Variants in DMD observed in about 807,000 individuals in gnomAD.
DMD encodes dystrophin.
Under a neutral mutation model 330.1 loss-of-function variants are expected in DMD, and 63 were observed. That is an observed-to-expected ratio of 0.19 (90% CI 0.16 to 0.24). The LOEUF (loss-of-function observed/expected upper bound fraction) is 0.24, where lower values mean the gene tolerates loss of function less well. Among genes scored for constraint, DMD ranks in the 10% least tolerant of loss-of-function variants. The probability of loss-of-function intolerance (pLI) is 1.00; values close to 1 mark genes in which losing one functional copy is unlikely to be tolerated. For synonymous variants in DMD, 1,223 were observed against 959.8 expected, an observed-to-expected ratio of 1.27 and a Z score of -5.07; for missense variants, 3,344 against 2,684.1, an observed-to-expected ratio of 1.25 and a Z score of -5.43.
chrX:32,478,468 C>G (rs1027290025), intron 21 of DMD, among the ~76,000 whole-genome samples: 2 of 111,572 alleles, frequency 1.8e-5, no homozygotes, highest in Non-Finnish European at 3.8e-5. Flanking sequence ...AAGCATTTCT[C>G]TAAAATGTGA....
intron 7 of DMD, among the ~76,000 whole-genome samples, chrX:32,802,157 C>G (rs144236156): frequency 1.7e-3 from 192 of 111,377 alleles, no homozygotes; most frequent in African/African-American, 6.0e-3. Flanking sequence ...AATGTTTTTT[C>G]ATTTGTTTGC....
intron 2 of DMD, among the ~76,000 whole-genome samples, chrX:32,913,196 T>G (rs780970026): frequency 9.0e-6 from 1 of 111,697 alleles, no homozygotes; most frequent in South Asian, 3.8e-4. Context: ...ACATTTTTCT[T>G]GAAGCTTCTA....
chrX:33,269,211 G>T (rs1386226108), intron 1 of DMD, among the ~76,000 whole-genome samples: 1 of 111,562 alleles, frequency 9.0e-6, no homozygotes, highest in Admixed American at 9.5e-5. Flanking sequence ...TGGTTGACTG[G>T]ATAAAGAAAA....
At chrX:32,950,506 A>G (rs183994651) in intron 2 of DMD, among the ~76,000 whole-genome samples, 2 of 110,800 alleles carry the variant, frequency 1.8e-5, no homozygotes, top group African/African-American at 6.6e-5. Flanking sequence ...CCACGGCCAT[A>G]TATTGTGTGA....
chrX:32,329,865 T>A (rs1261454679), intron 41 of DMD, among the ~76,000 whole-genome samples: 1 of 112,645 alleles, frequency 8.9e-6, no homozygotes, highest in Non-Finnish European at 1.9e-5. Context: ...TAACAATGCC[T>A]CCAAATTATC....
chrX:31,833,356 G>A lies in DMD; in HGVS notation c.7200+3362C>T, dbSNP rs867019283. Among the ~76,000 whole-genome samples the A allele has an allele frequency of 1.2e-3, 60 of 48,557 alleles. 3 individuals are homozygous for A. The highest frequency in any genetic ancestry group is 4.5e-3 in the African/African-American group (47 of 10,501). 42.2% of individuals were successfully genotyped at this position (48,557 alleles called of 115,157 possible). A position where few individuals can be genotyped will look rare whatever the true frequency, so the allele number is the denominator to read the frequency against. The stretch of plus-strand genomic sequence containing the variant: ...AGGGAGAGAGTGGAGAGGGAGGGAG[G>A]GAAAGAGAGAGAGAGAGAGAGAGAG... On this transcript the variant is annotated intron_variant, in intron 49 of 78. Coordinates refer to ENST00000357033, the MANE Select transcript of DMD (RefSeq NM_004006.3).
At chrX:32,411,645 C>T in intron 30 of DMD, 107 bp downstream of exon 30, 5 of 951,807 alleles carry the variant, frequency 5.3e-6, no homozygotes, top group Non-Finnish European at 7.4e-6. Context: ...TGAATCAAAA[C>T]AACCCCATGG....
intron 17 of DMD, among the ~76,000 whole-genome samples, chrX:32,529,378 ACTT>A (rs2047254264): frequency 2.7e-5 from 2 of 73,060 alleles, no homozygotes; most frequent in Admixed American, 2.0e-4. Context: ...GCAAAAATCA[ACTT>A]TTTTTTTTTT....
chrX:31,410,276 A>G (rs1037109623), intron 60 of DMD, among the ~76,000 whole-genome samples: 8 of 112,214 alleles, frequency 7.1e-5, no homozygotes, highest in African/African-American at 2.6e-4. Context: ...TGCACATATC[A>G]CCCTTTTATT....
chrX:32,530,110 G>A (rs754031209), intron 17 of DMD, among the ~76,000 whole-genome samples: 1 of 112,040 alleles, frequency 8.9e-6, no homozygotes, highest in South Asian at 3.7e-4. Flanking sequence ...TGCCTCAAAA[G>A]CTGAATTCTA....
intron 51 of DMD, among the ~76,000 whole-genome samples, chrX:31,740,402 T>C (rs2087232477): frequency 8.9e-6 from 1 of 111,948 alleles, no homozygotes; most frequent in South Asian, 3.7e-4. Context: ...ATAAGTGATA[T>C]AATTTTTTCT....
chrX:32,105,100 G>C (rs1483905507), intron 44 of DMD, among the ~76,000 whole-genome samples: 1 of 111,940 alleles, frequency 8.9e-6, no homozygotes. Flanking sequence ...TACGCATCAT[G>C]AAGAGTCTAG....
At position 31,872,014 on chromosome X, in the gene DMD, A is replaced by C. The variant is rs189747175; in HGVS notation, c.7098+3174T>G. On this transcript the variant is annotated intron_variant, in intron 48 of 78. Transcript: ENST00000357033. ...TTATTCACACAGGTCACCATTTCCT[A>C]ATTATAAGCTGGGGGTTTGAGAATT... Among the ~76,000 whole-genome samples the C allele has an allele frequency of 2.8e-5, 3 of 108,659 alleles. No individual in the cohort carries two copies. The Admixed American group carries it at 3.0e-4, about 11-fold the overall frequency. The allele number at this position is 108,659 out of a possible 115,157, so 94.4% of individuals were successfully genotyped here. A position where few individuals can be genotyped will look rare whatever the true frequency, so the allele number is the denominator to read the frequency against.
At chrX:31,509,364 A>G (rs1244965893) in intron 55 of DMD, among the ~76,000 whole-genome samples, 1 of 112,039 alleles carries the variant, frequency 8.9e-6, no homozygotes, top group Non-Finnish European at 1.9e-5. Flanking sequence ...AGCCAACCAG[A>G]TCTAAGTTCC....
intron 52 of DMD, among the ~76,000 whole-genome samples, chrX:31,710,931 T>C (rs6631369): frequency 0.16 from 17,587 of 110,462 alleles, 1,243 homozygotes; most frequent in Admixed American, 0.32. Context: ...AGAAAGAGTA[T>C]ATTAAGATAT....
intron 44 of DMD, among the ~76,000 whole-genome samples, chrX:32,080,377 T>C (rs777215725): frequency 1.8e-5 from 2 of 112,166 alleles, no homozygotes; most frequent in East Asian, 5.6e-4. Flanking sequence ...TAGCCTAATA[T>C]ATGGCTTATA....
At chrX:32,462,607 T>TG (rs2098387441) in intron 25 of DMD, among the ~76,000 whole-genome samples, 1 of 92,051 alleles carries the variant, frequency 1.1e-5, no homozygotes, top group Non-Finnish European at 1.9e-5. Flanking sequence ...TTTGTGTGTG[T>TG]TTTTTTTTGA....
At chrX:32,657,771 C>A (rs138066950) in intron 9 of DMD, among the ~76,000 whole-genome samples, 22 of 111,507 alleles carry the variant, frequency 2.0e-4, no homozygotes, top group Non-Finnish European at 7.5e-5. Flanking sequence ...TCTCAGAAGA[C>A]CAAATAAATT....
At chrX:32,888,807 C>A (rs781333063) in intron 2 of DMD, among the ~76,000 whole-genome samples, 8 of 111,599 alleles carry the variant, frequency 7.2e-5, no homozygotes, top group African/African-American at 2.6e-4. Flanking sequence ...AATATACACA[C>A]AATGGAACAC....
Sources: gnomAD v4.1 joint callset for allele counts (sites outside exome capture counted in the v4.1 genomes callset) on GRCh38, gnomAD v4.1.1 for gene constraint, MANE v1.5 for transcripts, NCBI Gene and HGNC (gene_info 2026-07-23, HGNC 2026-07-21) for gene names.